The following CWF19L2 variants were observed in gnomAD, a reference collection of about 807,000 sequenced individuals.
The protein encoded by CWF19L2 is CWF19 like cell cycle control factor 2.
CWF19L2 carries 98 observed loss-of-function variants against 111.7 expected under a neutral mutation model. That is an observed-to-expected ratio of 0.88 (90% confidence interval 0.75 to 1.04). CWF19L2 has a LOEUF of 1.04. CWF19L2 is among the 50% of genes least tolerant of loss of function. CWF19L2 has a pLI of 0.00. For missense variants in CWF19L2, 1,101 were observed against 1,051.4 expected, an observed-to-expected ratio of 1.05 and a Z score of -0.65; for synonymous variants, 351 against 342.9, an observed-to-expected ratio of 1.02 and a Z score of -0.26.
At chr11:107,425,290 T>C (rs1441976388) in intron 8 of CWF19L2, among the ~76,000 whole-genome samples, 2 of 151,748 alleles carry the variant, frequency 1.3e-5, no homozygotes, top group East Asian at 3.9e-4. Context: ...AACCTGAAAT[T>C]AGTCATGCAT....
chr11:107,409,975 A>G (rs1861133776), intron 10 of CWF19L2, among the ~76,000 whole-genome samples: 1 of 152,170 alleles, frequency 6.6e-6, no homozygotes, highest in Admixed American at 6.6e-5. Context: ...CCTAAATACT[A>G]AATAGTTCAC....
intron 10 of CWF19L2, among the ~76,000 whole-genome samples, chr11:107,405,800 G>C (rs1412286831): frequency 7.0e-6 from 1 of 142,506 alleles, no homozygotes; most frequent in African/African-American, 2.6e-5. Flanking sequence ...ACAAGATGTT[G>C]GAAGTAAGAG....
intron 3 of CWF19L2, among the ~76,000 whole-genome samples, chr11:107,452,903 G>A (rs181944813): frequency 6.6e-6 from 1 of 152,174 alleles, no homozygotes; most frequent in Admixed American, 6.5e-5. Flanking sequence ...CTTGAGCCCA[G>A]GAGTTTGAGG....
At chr11:107,429,624 G>A (rs1334090331) in intron 7 of CWF19L2, among the ~76,000 whole-genome samples, 173 bp from the exon 8 acceptor site, 1 of 152,124 alleles carries the variant, frequency 6.6e-6, no homozygotes, top group Non-Finnish European at 1.5e-5. Flanking sequence ...TTCTAAAAAT[G>A]TGTAAACAAT....
chr11:107,374,107 A>T (rs1860558655), intron 12 of CWF19L2, among the ~76,000 whole-genome samples: 3 of 136,160 alleles, frequency 2.2e-5, no homozygotes. Flanking sequence ...CCTCCAAGAA[A>T]TATGGGACTA....
intron 7 of CWF19L2, among the ~76,000 whole-genome samples, chr11:107,431,013 A>T (rs561764515): frequency 1.3e-5 from 2 of 152,040 alleles, no homozygotes; most frequent in East Asian, 3.9e-4. Flanking sequence ...ATAAAAAAAT[A>T]AAATTAAAAA....
chr11:107,455,898 T>G, intron 1 of CWF19L2, 122 bp from the exon 2 acceptor site: 1 of 578,956 alleles, frequency 1.7e-6, no homozygotes, highest in Non-Finnish European at 3.1e-6. Context: ...TGAATGTCTA[T>G]TCCTTGCCAG....
chr11:107,356,019 A>G (rs1310275801), intron 12 of CWF19L2, among the ~76,000 whole-genome samples: 2 of 152,232 alleles, frequency 1.3e-5, no homozygotes, highest in Admixed American at 6.5e-5. Flanking sequence ...GGATTCTAGT[A>G]ACTTAAAGTA....
chr11:107,418,046 C>T, intron 9 of CWF19L2, 148 bp downstream of exon 9: 2 of 623,488 alleles, frequency 3.2e-6, no homozygotes, highest in Non-Finnish European at 5.9e-6. Flanking sequence ...AGGCATGGTG[C>T]CAGGCCTGAG....
Position 107,336,549 on chromosome 11 carries a change from T to C in CWF19L2, c.2358+9A>G, listed in dbSNP as rs774805010. ...AATAAGTGTATATGCAAAGACTACT[T>C]ATAAACACCTTAAAATAGATGGGAG... On this transcript the variant is annotated intron_variant, in intron 15 of 17. Transcript: ENST00000282251. 3 of 1,590,696 alleles carry C rather than the reference T, an allele frequency of 1.9e-6. No individual in the cohort carries two copies. The highest frequency in any genetic ancestry group is 2.6e-6 in the Non-Finnish European group (3 of 1,171,138).
At chr11:107,417,953 T>G (rs1043046382) in intron 9 of CWF19L2, among the ~76,000 whole-genome samples, 24 of 152,020 alleles carry the variant, frequency 1.6e-4, no homozygotes, top group Non-Finnish European at 3.1e-4. Context: ...AGAGACAGGG[T>G]TTCACCATTT....
chr11:107,454,890 T>C (rs1981906), intron 2 of CWF19L2, among the ~76,000 whole-genome samples: 2,128 of 152,230 alleles, frequency 0.014, 167 homozygotes, highest in Admixed American at 0.12. Context: ...TACATGCATC[T>C]ATACACACAC....
In CWF19L2 at chr11:107,400,587, A is replaced by G. The variant is rs139010923; in HGVS notation, c.1618-7692T>C. On this transcript the variant is annotated intron_variant, in intron 10 of 17. Coordinates refer to ENST00000282251, the MANE Select transcript of CWF19L2 (RefSeq NM_152434.3). The stretch of plus-strand genomic sequence containing the variant: ...AATGGTAATTTAAAAATTAACAACA[A>G]AAAAAAGTCCAGGACCAGAAGGATT... Among the ~76,000 whole-genome samples, 659 of 152,178 alleles carry G rather than the reference A, an allele frequency of 4.3e-3. 4 individuals carry two copies. The highest frequency in any genetic ancestry group is 0.015 in the African/African-American group (616 of 41,536).
At chr11:107,416,335 G>T in intron 9 of CWF19L2, 37 bp from the exon 10 acceptor site, 1 of 926,456 alleles carries the variant, frequency 1.1e-6, no homozygotes, top group Non-Finnish European at 1.6e-6. Flanking sequence ...TGTGCGATAT[G>T]TAGTTTAATT....
intron 7 of CWF19L2, among the ~76,000 whole-genome samples, chr11:107,433,378 A>C (rs1861491878): frequency 6.6e-6 from 1 of 152,144 alleles, no homozygotes; most frequent in African/African-American, 2.4e-5. Flanking sequence ...GCATTGTTTA[A>C]ATTTTCTCAC....
chr11:107,352,767 A>G (rs1860175091), intron 13 of CWF19L2, among the ~76,000 whole-genome samples: 1 of 152,156 alleles, frequency 6.6e-6, no homozygotes, highest in Non-Finnish European at 1.5e-5. Context: ...TCAACAACCT[A>G]AAGATATTAA....
intron 12 of CWF19L2, among the ~76,000 whole-genome samples, chr11:107,375,744 T>C (rs1860588596): frequency 8.6e-6 from 1 of 116,520 alleles, no homozygotes; most frequent in Admixed American, 8.4e-5. Context: ...ATTCAAAAGC[T>C]AGCAGAAGGC....
rs191938683 is a variant in CWF19L2, at chr11:107,418,089, T to C, written c.1527+105A>G. ...TTAAGGAATCAATAACCAACAGTTA[T>C]TTTCACAGTGTGCTATATCCACACT... On this transcript the variant is annotated intron_variant, in intron 9 of 17. Coordinates refer to ENST00000282251, the MANE Select transcript of CWF19L2 (RefSeq NM_152434.3). 393 of 748,976 alleles carry C rather than the reference T, an allele frequency of 5.2e-4. 1 individual carries two copies. The highest frequency in any genetic ancestry group is 5.2e-3 in the African/African-American group (300 of 58,196). 46.4% of individuals were successfully genotyped at this position (748,976 alleles called of 1,614,324 possible).
rs754989347 is a variant in CWF19L2, at chr11:107,392,829, T to G, written c.1684A>C (p.Thr562Pro). Residue 562 changes from threonine to proline, a missense_variant, in exon 11 of 18, where the codon ACA becomes CCA. Coordinates refer to ENST00000282251, the MANE Select transcript of CWF19L2 (RefSeq NM_152434.3). ...DQSGRVWPVNTPGKSLESQGG... is the reference protein window; with the variant it reads ...DQSGRVWPVNPPGKSLESQGG... ...TGTGATTCCAGAGATTTTCCGGGTG[T>G]GTTCACAGGCCATACTCTTCCAGAC... 2 of 1,597,050 alleles carry G rather than the reference T, an allele frequency of 1.3e-6. No individual in the cohort carries two copies. Among genetic ancestry groups the G allele is most frequent in the Non-Finnish European group, 1.7e-6 (2 of 1,174,318 alleles).
Sources: gnomAD v4.1 joint callset for allele counts (sites outside exome capture counted in the v4.1 genomes callset) on GRCh38, gnomAD v4.1.1 for gene constraint, MANE v1.5 for transcripts, NCBI Gene and HGNC (gene_info 2026-07-23, HGNC 2026-07-21) for gene names.